CEACAM1: variants seen among roughly 807,000 people sequenced by gnomAD.
CEACAM1 encodes the protein CEA cell adhesion molecule 1, also known as cell adhesion molecule CEACAM1.
In CEACAM1, 31 loss-of-function variants were observed where a neutral mutation model predicts 49.1. That is an observed-to-expected ratio of 0.63 (90% CI 0.47 to 0.85). CEACAM1 has a LOEUF of 0.85. Ranked by LOEUF, CEACAM1 falls within the 40% of genes least tolerant of loss-of-function variation. The pLI, the probability that CEACAM1 is intolerant of heterozygous loss-of-function variation, is 0.00. For missense variants in CEACAM1, 570 were observed against 645.3 expected (o/e 0.88, Z 1.26); for synonymous variants, 244 against 247.8 (o/e 0.98, Z 0.14).
chr19:42,519,568 GA>G, intron 4 of CEACAM1: 1 of 198,176 alleles, frequency 5.0e-6, no homozygotes, highest in Non-Finnish European at 9.6e-6. Flanking sequence ...TTTTCCCACT[GA>G]CTTTTTTTTT....
rs2041459145 is a variant in CEACAM1, at chr19:42,511,627, C to T, written c.1378G>A (p.Ala460Thr). The change falls in exon 7 of 9, where the codon GCA becomes ACA. Residue 460 changes from alanine (A) to threonine (T), a missense_variant and splice_region_variant. Ala to Thr is a moderately conservative substitution (Grantham distance 58). Coordinates refer to ENST00000161559, the MANE Select transcript of CEACAM1 (RefSeq NM_001712.5). ...TCTGTGAGATCACGCTGGTCGCTTG[C>T]CCTAAATAAATATCAGAAACTGTGA... ...CFLHFGKTGR[A>T]SDQRDLTEHK... The T allele has an allele frequency of 6.2e-7, 1 of 1,613,708 alleles. No individual in the cohort carries two copies. The highest frequency in any genetic ancestry group is 1.3e-5 in the African/African-American group (1 of 74,896).
At chr19:42,509,569 T>C (rs1051092137) in intron 8 of CEACAM1, among the ~76,000 whole-genome samples, 1 of 152,064 alleles carries the variant, frequency 6.6e-6, no homozygotes, top group African/African-American at 2.4e-5. Context: ...CAAGCAATAC[T>C]AATCTGGAGC....
chr19:42,525,224 ATTTTTTT>A (rs538996240), intron 2 of CEACAM1, among the ~76,000 whole-genome samples: 3 of 131,092 alleles, frequency 2.3e-5, no homozygotes, highest in African/African-American at 8.7e-5. Context: ...AGGCCTGAAC[ATTTTTTT>A]TTTTTTTTTT....
At chr19:42,521,800 C>T (rs944944860) in intron 3 of CEACAM1, 124 bp downstream of exon 3, 8 of 1,565,606 alleles carry the variant, frequency 5.1e-6, no homozygotes, top group East Asian at 4.5e-5. Flanking sequence ...GAAGTCATGG[C>T]CAGCCTGGGT....
intron 5 of CEACAM1, among the ~76,000 whole-genome samples, chr19:42,516,424 C>T (rs1196789713): frequency 6.6e-6 from 1 of 152,024 alleles, no homozygotes; most frequent in Non-Finnish European, 1.5e-5. Context: ...TTTAAAAATA[C>T]TTAGAAATAA....
At chr19:42,517,209 G>A (rs1307691074) in intron 5 of CEACAM1, among the ~76,000 whole-genome samples, 1 of 152,168 alleles carries the variant, frequency 6.6e-6, no homozygotes, top group Non-Finnish European at 1.5e-5. Context: ...AAATGTAAGA[G>A]CTAAAACTAT....
intron 8 of CEACAM1, among the ~76,000 whole-genome samples, chr19:42,509,824 A>C (rs2041412971): frequency 6.6e-6 from 1 of 151,976 alleles, no homozygotes; most frequent in Non-Finnish European, 1.5e-5. Context: ...ACAAGGTTTC[A>C]CTATGTTGGC....
chr19:42,528,106 TA>T (rs1334722386), intron 1 of CEACAM1, among the ~76,000 whole-genome samples: 1 of 152,192 alleles, frequency 6.6e-6, no homozygotes, highest in African/African-American at 2.4e-5. Flanking sequence ...TTGGAAAAGG[TA>T]AAAAATGGGA....
chr19:42,515,251 A>G, intron 5 of CEACAM1: 1 of 449,370 alleles, frequency 2.2e-6, no homozygotes, highest in South Asian at 4.9e-5. Flanking sequence ...TGACAGAGTG[A>G]CACCCTGTCT....
chr19:42,512,923 C>T (rs2147773639), intron 5 of CEACAM1, among the ~76,000 whole-genome samples: 1 of 152,264 alleles, frequency 6.6e-6, no homozygotes, highest in African/African-American at 2.4e-5. Flanking sequence ...GCCTCGGCCT[C>T]CCAAAGTGCT....
At chr19:42,518,496 CTTT>C (rs71167399) in intron 5 of CEACAM1, 56 of 136,182 alleles carry the variant, frequency 4.1e-4, no homozygotes, top group South Asian at 1.9e-3. Context: ...AGCCTGAGCT[CTTT>C]TTTTTTTTTT....
intron 2 of CEACAM1, 117 bp from the exon 3 acceptor site, chr19:42,522,319 G>C: frequency 1.3e-6 from 2 of 1,504,086 alleles, no homozygotes; most frequent in Non-Finnish European, 1.8e-6. Flanking sequence ...CTGTCACCCA[G>C]GCTGGAGTGC....
chr19:42,522,017 T>C lies in CEACAM1; in HGVS notation c.610A>G (p.Ser204Gly). Residue 204 changes from serine (S) to glycine (G), a missense_variant, in exon 3 of 9, where the codon AGT becomes GGT. Ser to Gly is a moderately conservative substitution (Grantham distance 56, BLOSUM62 0). Coordinates refer to ENST00000161559, the MANE Select transcript of CEACAM1 (RefSeq NM_001712.5). Reference protein sequence around the residue: ...SNGNRTLTLLSVTRNDTGPYE... With the variant: ...SNGNRTLTLLGVTRNDTGPYE... Reference sequence around the variant, plus strand: ...GGTCCTGTGTCATTCCTTGTGACACTGAGTAGAGTGAGGGTCCTGTTGCCA... The same window carrying C: ...GGTCCTGTGTCATTCCTTGTGACACCGAGTAGAGTGAGGGTCCTGTTGCCA... The C allele has an allele frequency of 6.2e-7, 1 of 1,614,208 alleles. No individual in the cohort carries two copies. The highest frequency in any genetic ancestry group is 8.5e-7 in the Non-Finnish European group (1 of 1,180,036).
intron 5 of CEACAM1, among the ~76,000 whole-genome samples, chr19:42,515,694 C>G (rs1015881684): frequency 1.3e-5 from 2 of 151,944 alleles, no homozygotes; most frequent in African/African-American, 4.8e-5. Flanking sequence ...CAAAAAAGAT[C>G]ACTATAATTG....
chr19:42,509,504 T>C (rs1054927370), intron 8 of CEACAM1, among the ~76,000 whole-genome samples: 2 of 152,226 alleles, frequency 1.3e-5, no homozygotes, highest in Non-Finnish European at 2.9e-5. Context: ...AAAGCAATGT[T>C]GAAGAAGCCA....
chr19:42,508,963 G>T lies in CEACAM1; in HGVS notation c.*146C>A. 1.2e-6 allele frequency: 1 copy of T among 826,304 alleles called. No homozygotes were observed. Among genetic ancestry groups the T allele is most frequent in the Non-Finnish European group, 1.9e-6 (1 of 525,604 alleles). 51.2% of individuals were successfully genotyped at this position (826,304 alleles called of 1,614,324 possible). On this transcript the variant is annotated 3_prime_UTR_variant, in exon 9 of 9. Coordinates refer to ENST00000161559, the MANE Select transcript of CEACAM1 (RefSeq NM_001712.5). ...CTGAGAGAGGGGCAGTGACCAGGCA[G>T]CCTGGAGATGCCTATTAGGAAGGAA...
intron 4 of CEACAM1, among the ~76,000 whole-genome samples, chr19:42,519,771 A>G (rs10420773): frequency 0.1 from 15,673 of 151,802 alleles, 2,667 homozygotes; most frequent in African/African-American, 0.35. Context: ...GGGTTTCACC[A>G]TGTTAGCCAG....
rs567740324 is a variant in CEACAM1 at position 42,509,130 on chromosome 19, A to G, written c.1560T>C (p.Tyr520=). The G allele has an allele frequency of 3.7e-6, 6 of 1,614,188 alleles. No individual in the cohort carries two copies. The highest frequency in any genetic ancestry group is 2.2e-5 in the East Asian group (1 of 44,886). Residue 520 remains tyrosine (Y), a synonymous_variant, in exon 9 of 9, where the codon TAT becomes TAC. Coordinates refer to ENST00000161559, the MANE Select transcript of CEACAM1 (RefSeq NM_001712.5). The part of the protein sequence containing the change: ...SPSLTATEII[Y]SEVKKQ ...TTCATTACTGCTTTTTTACTTCTGA[A>G]TAAATTATTTCTGTGGCTGTTAGGG... is the stretch of plus-strand genomic sequence containing the variant.
At chr19:42,526,506 C>A (rs2041894936) in intron 2 of CEACAM1, among the ~76,000 whole-genome samples, 1 of 152,196 alleles carries the variant, frequency 6.6e-6, no homozygotes, top group Admixed American at 6.5e-5. Flanking sequence ...AGTGCCTGAA[C>A]CCTGGCTGGT....
Sources: gnomAD v4.1 joint callset for allele counts (sites outside exome capture counted in the v4.1 genomes callset) on GRCh38, gnomAD v4.1.1 for gene constraint, MANE v1.5 for transcripts, NCBI Gene and HGNC (gene_info 2026-07-23, HGNC 2026-07-21) for gene names.